MYO16: variants seen among roughly 807,000 people sequenced by gnomAD.
MYO16 encodes the protein unconventional myosin-XVI.
MYO16 carries 94 observed loss-of-function variants against 205.3 expected under a neutral mutation model. That is an observed-to-expected ratio of 0.46 (90% CI 0.39 to 0.54). The LOEUF (loss-of-function observed/expected upper bound fraction) is 0.54, where lower values mean the gene tolerates loss of function less well. MYO16 is among the 20% of genes least tolerant of loss of function. MYO16 has a pLI of 0.00. For synonymous variants in MYO16, 988 were observed against 954.0 expected, an observed-to-expected ratio of 1.04 and a Z score of -0.66; for missense variants, 2,315 against 2,387.5, an observed-to-expected ratio of 0.97 and a Z score of 0.63.
chr13:109,197,952 G>A (rs1880228110), intron 34 of MYO16, among the ~76,000 whole-genome samples: 1 of 152,112 alleles, frequency 6.6e-6, no homozygotes, highest in Non-Finnish European at 1.5e-5. Context: ...GTCAAGCTTT[G>A]TGTGTTTTTC....
intron 34 of MYO16, among the ~76,000 whole-genome samples, chr13:109,183,239 C>T (rs1417197990): frequency 6.6e-6 from 1 of 152,180 alleles, no homozygotes; most frequent in Non-Finnish European, 1.5e-5. Flanking sequence ...GGAATGCTGA[C>T]AGCATCAGCC....
At chr13:108,994,113 CTTA>C (rs1216686511) in intron 21 of MYO16, among the ~76,000 whole-genome samples, 4 of 152,030 alleles carry the variant, frequency 2.6e-5, no homozygotes, top group Non-Finnish European at 5.9e-5. Context: ...ATATAAATCC[CTTA>C]TTAGTCCTTC....
At chr13:108,679,961 A>G (rs1295966427) in intron 2 of MYO16, among the ~76,000 whole-genome samples, 2 of 151,964 alleles carry the variant, frequency 1.3e-5, no homozygotes, top group Admixed American at 1.3e-4. Flanking sequence ...CCTATCTAGA[A>G]CTTTGTATGT....
chr13:108,595,426 G>C (rs1261356805), upstream of MYO16, among the ~76,000 whole-genome samples: 2 of 151,936 alleles, frequency 1.3e-5, no homozygotes, highest in Non-Finnish European at 2.9e-5. Context: ...GCTTGCTCTT[G>C]AGTTAAAAAA....
intron 1 of MYO16, among the ~76,000 whole-genome samples, chr13:108,614,971 T>C (rs1879300864): frequency 1.3e-5 from 2 of 152,086 alleles, no homozygotes; most frequent in Admixed American, 6.6e-5. Flanking sequence ...TACATTAAAA[T>C]TGATAATTAT....
chr13:109,016,057 GA>G (rs1197223684), intron 22 of MYO16, among the ~76,000 whole-genome samples: 2 of 152,024 alleles, frequency 1.3e-5, no homozygotes, highest in African/African-American at 4.8e-5. Flanking sequence ...ATGATGTTAG[GA>G]TGTCGATTTT....
chr13:108,858,818 G>T (rs895688173), intron 11 of MYO16, among the ~76,000 whole-genome samples: 1 of 152,092 alleles, frequency 6.6e-6, no homozygotes, highest in African/African-American at 2.4e-5. Context: ...TCATAAAGCC[G>T]CAACGCTTTC....
chr13:108,616,807 C>A (rs1237922837), intron 1 of MYO16, among the ~76,000 whole-genome samples: 4 of 152,074 alleles, frequency 2.6e-5, no homozygotes, highest in African/African-American at 9.7e-5. Context: ...CTCCCTACGT[C>A]TTAATTGAAT....
In MYO16 at chr13:109,120,405, T is replaced by G. The variant is rs539122430; in HGVS notation, c.3474T>G (p.His1158Gln). The G allele has an allele frequency of 6.2e-7, 1 of 1,608,316 alleles. No homozygotes were observed. The highest frequency in any genetic ancestry group is 1.3e-5 in the African/African-American group (1 of 74,984). ...GVRKVFLKYW[H>Q]ADQLNDLCLQ... ...GAAAAGTGTTTCTAAAATACTGGCA[T>G]GCTGACCAACTCAATGATTTGTGCC... is the stretch of plus-strand genomic sequence containing the variant. The change falls in exon 29 of 35, where the codon CAT (histidine) becomes CAG (glutamine). Residue 1158 changes from histidine to glutamine, a missense_variant. By Grantham distance (24) the His-to-Gln change is conservative. This residue lies in a region of MYO16 where 1,097 missense variants were observed against 1,092.0 expected (regional missense o/e 1.00). Transcript: ENST00000457511.
intron 1 of MYO16, among the ~76,000 whole-genome samples, chr13:108,606,177 T>C (rs759576597): frequency 6.6e-6 from 1 of 152,168 alleles, no homozygotes; most frequent in African/African-American, 2.4e-5. Context: ...CCTAATGTTG[T>C]GATAGAAAAG....
chr13:108,748,710 A>G (rs953878922), intron 4 of MYO16, among the ~76,000 whole-genome samples: 1 of 152,170 alleles, frequency 6.6e-6, no homozygotes, highest in East Asian at 1.9e-4. Flanking sequence ...GATGAAGAAC[A>G]GCAATGCAAA....
At chr13:108,895,863 C>A (rs575542165) in intron 14 of MYO16, among the ~76,000 whole-genome samples, 1 of 152,298 alleles carries the variant, frequency 6.6e-6, no homozygotes, top group Non-Finnish European at 1.5e-5. Context: ...GTAAAATTCA[C>A]TGTTGTTATT....
chr13:108,830,437 A>C (rs1876544542), intron 9 of MYO16, among the ~76,000 whole-genome samples: 1 of 151,712 alleles, frequency 6.6e-6, no homozygotes, highest in African/African-American at 2.4e-5. Flanking sequence ...GCCATAAAAA[A>C]GGATGAGTTC....
intron 3 of MYO16, among the ~76,000 whole-genome samples, chr13:108,721,418 T>C (rs1178824817): frequency 1.3e-5 from 2 of 152,182 alleles, no homozygotes; most frequent in African/African-American, 2.4e-5. Context: ...CCAGGAGGGA[T>C]GACATTTTGG....
At chr13:108,962,824 A>G (rs1232324483) in intron 19 of MYO16, among the ~76,000 whole-genome samples, 2 of 152,178 alleles carry the variant, frequency 1.3e-5, no homozygotes, top group Non-Finnish European at 2.9e-5. Flanking sequence ...TGAAGGACCA[A>G]CCTTTTCCTG....
intron 4 of MYO16, among the ~76,000 whole-genome samples, chr13:108,772,700 C>T (rs1419014485): frequency 6.6e-6 from 1 of 152,004 alleles, no homozygotes; most frequent in African/African-American, 2.4e-5. Context: ...TGGTTTTGAT[C>T]ACTGTTGTGT....
chr13:109,206,520 C>T (rs1177527025), intron 34 of MYO16, 89 bp from the exon 35 acceptor site: 2 of 968,656 alleles, frequency 2.1e-6, no homozygotes, highest in Non-Finnish European at 3.2e-6. Flanking sequence ...CCAGTCCTGC[C>T]CCTTTGTATC....
the MYO16 span, among the ~76,000 whole-genome samples, chr13:108,546,881 G>T: frequency 5.3e-5 from 8 of 152,078 alleles, no homozygotes; most frequent in Non-Finnish European, 1.2e-4. Flanking sequence ...ATCATATGAG[G>T]TTGATAAGTG....
intron 32 of MYO16, among the ~76,000 whole-genome samples, chr13:109,149,408 G>A (rs1877527628): frequency 6.6e-6 from 1 of 152,150 alleles, no homozygotes; most frequent in African/African-American, 2.4e-5. Context: ...AGCAATCTGA[G>A]ACTTTGAGGG....
Sources: gnomAD v4.1 joint callset for allele counts (sites outside exome capture counted in the v4.1 genomes callset) on GRCh38, gnomAD v4.1.1 for gene constraint, gnomAD v4.1.1 regional missense constraint, MANE v1.5 for transcripts, NCBI Gene and HGNC (gene_info 2026-07-23, HGNC 2026-07-21) for gene names.